Variants in IQANK1 observed in about 807,000 individuals in gnomAD.
IQANK1 encodes IQ motif and ankyrin repeat containing 1.
A neutral mutation model predicts 22.6 loss-of-function variants in IQANK1; 30 were observed. That is an observed-to-expected ratio of 1.33 (90% CI 0.99 to 1.80). The LOEUF (loss-of-function observed/expected upper bound fraction) is 1.80, where lower values mean the gene tolerates loss of function less well. Ranked by LOEUF, IQANK1 falls within the 40% of genes most tolerant of loss-of-function variation. IQANK1 has a pLI of 0.00. For missense variants in IQANK1, 275 were observed against 235.2 expected (o/e 1.17, Z -1.11); for synonymous variants, 122 against 99.6 (o/e 1.23, Z -1.34).
chr8:143,741,426 C>T (rs1225377335), intron 3 of IQANK1, among the ~76,000 whole-genome samples: 2 of 152,172 alleles, frequency 1.3e-5, no homozygotes, highest in Non-Finnish European at 2.9e-5. Flanking sequence ...CACAGGGAGC[C>T]CCATGACCCC....
rs113971926 is a variant in IQANK1 at position 143,774,945 on chromosome 8, C to T, written c.789+2463C>T. On this transcript the variant is annotated intron_variant, in intron 7 of 13. Coordinates refer to ENST00000527139, the MANE Select transcript of IQANK1 (RefSeq NM_001381874.1). This position sits in a 1 kb window ranked among gnomAD's most constrained non-coding sequence, Gnocchi z 4.2. ...AACACTGTGGAGACGGAGGACAGAT[C>T]GGAGGGCTGCAGGGGTTACGGATGG... Among the ~76,000 whole-genome samples, 16 of 151,660 alleles carry T rather than the reference C, an allele frequency of 1.1e-4. No homozygotes were observed. Among genetic ancestry groups the T allele is most frequent in the Admixed American group, 9.8e-4 (15 of 15,260 alleles).
chr8:143,787,647 G>T (rs1165518834), intron 7 of IQANK1, among the ~76,000 whole-genome samples: 1 of 152,062 alleles, frequency 6.6e-6, no homozygotes, highest in East Asian at 1.9e-4. Context: ...AGAGCTACAG[G>T]GAACTCATCC....
At chr8:143,785,893 A>G (rs1300672569) in intron 7 of IQANK1, among the ~76,000 whole-genome samples, 1 of 151,412 alleles carries the variant, frequency 6.6e-6, no homozygotes, top group Non-Finnish European at 1.5e-5. Context: ...CACCTGGCTA[A>G]TTTTTGTATT....
intron 3 of IQANK1, among the ~76,000 whole-genome samples, chr8:143,765,191 A>G (rs1554629138): frequency 6.6e-6 from 1 of 152,062 alleles, no homozygotes; most frequent in Non-Finnish European, 1.5e-5. Flanking sequence ...CCCCGTCTCT[A>G]CCAAAAAATA....
At chr8:143,782,362 G>A (rs1226289899) in intron 7 of IQANK1, among the ~76,000 whole-genome samples, 1 of 152,194 alleles carries the variant, frequency 6.6e-6, no homozygotes. Context: ...TAGGAGTGAT[G>A]GGAGAGAGCA....
chr8:143,764,551 G>C (rs10095057), intron 3 of IQANK1, among the ~76,000 whole-genome samples: 1 of 151,834 alleles, frequency 6.6e-6, no homozygotes, highest in Non-Finnish European at 1.5e-5. Flanking sequence ...GCAGTGAGCC[G>C]TGATGGCGTC....
Position 143,771,828 on chromosome 8 carries a change from CAGG to C in IQANK1, c.338_340del (p.Glu113del), listed in dbSNP as rs1554629812. The C allele has an allele frequency of 2.5e-6, 1 of 395,632 alleles. No homozygotes were observed. The highest frequency in any genetic ancestry group is 4.4e-5 in the Admixed American group (1 of 22,592). The allele number at this position is 395,632 out of a possible 1,614,324, so 24.5% of individuals were successfully genotyped here. On this transcript the variant is annotated inframe_deletion, in exon 5 of 14. Transcript: ENST00000527139. This position sits in a 1 kb window ranked among gnomAD's most constrained non-coding sequence, Gnocchi z 6.0. ...CTACCTGGCTCCGGTGCGCCGGGAG[CAGG>C]AGGCCGCGCGGCGGCTGCGCGAGCA...
chr8:143,749,430 C>CATATATAATTATATATTATATA (rs1563770879), intron 3 of IQANK1, among the ~76,000 whole-genome samples: 4 of 116,932 alleles, frequency 3.4e-5, no homozygotes, highest in African/African-American at 1.7e-4. Flanking sequence ...ATACATATAT[C>CATATATAATTATATATTATATA]TCATATATAA....
intron 3 of IQANK1, among the ~76,000 whole-genome samples, chr8:143,750,886 G>A (rs1819174708): frequency 6.6e-6 from 1 of 151,852 alleles, no homozygotes; most frequent in Non-Finnish European, 1.5e-5. Flanking sequence ...TTTGCTATGT[G>A]TTTTATATAT....
intron 7 of IQANK1, among the ~76,000 whole-genome samples, chr8:143,783,138 T>G (rs923256525): frequency 1.3e-5 from 2 of 152,254 alleles, no homozygotes; most frequent in Non-Finnish European, 2.9e-5. Context: ...ATGAACATTC[T>G]TGTATGTGTC....
At chr8:143,750,374 A>G (rs933942987) in intron 3 of IQANK1, among the ~76,000 whole-genome samples, 2 of 151,778 alleles carry the variant, frequency 1.3e-5, no homozygotes, top group Non-Finnish European at 2.9e-5. Flanking sequence ...TTTGGTTTCT[A>G]TTTGCATGGA....
chr8:143,782,082 A>C (rs1427789221), intron 7 of IQANK1, among the ~76,000 whole-genome samples: 1 of 152,076 alleles, frequency 6.6e-6, no homozygotes, highest in Non-Finnish European at 1.5e-5. Context: ...GCAATTGTGA[A>C]TGGGATTGCC....
chr8:143,735,226 C>T lies in IQANK1; in HGVS notation c.-4-624C>T, dbSNP rs1483373688. 5.3e-5 allele frequency among the ~76,000 whole-genome samples: 8 copies of T among 152,186 alleles called. No individual in the cohort carries two copies. The highest frequency in any genetic ancestry group is 1.2e-4 in the African/African-American group (5 of 41,436). ...GCAGCGGGTGAGGGGCATGGGGCAC[C>T]GGGGAGGACCCGGACAGGCTGGGGC... is the stretch of plus-strand genomic sequence containing the variant. On this transcript the variant is annotated intron_variant, in intron 1 of 13. Coordinates refer to ENST00000527139, the MANE Select transcript of IQANK1 (RefSeq NM_001381874.1). This position sits in a 1 kb window ranked among gnomAD's most constrained non-coding sequence, Gnocchi z 5.2.
At chr8:143,788,215 C>A (rs990156365) in intron 7 of IQANK1, among the ~76,000 whole-genome samples, 1 of 152,258 alleles carries the variant, frequency 6.6e-6, no homozygotes, top group Non-Finnish European at 1.5e-5. Flanking sequence ...GCTTCCTGGT[C>A]AAGCGTGATG....
At chr8:143,743,702 A>G (rs1818969988) in intron 3 of IQANK1, among the ~76,000 whole-genome samples, 1 of 152,210 alleles carries the variant, frequency 6.6e-6, no homozygotes, top group Non-Finnish European at 1.5e-5. Flanking sequence ...AAGTGACTGA[A>G]ACGGCATCTG....
intron 3 of IQANK1, chr8:143,760,439 G>C (rs1400738881): frequency 2.0e-5 from 3 of 151,854 alleles, no homozygotes; most frequent in Non-Finnish European, 2.9e-5. Context: ...TCTTTGGGAG[G>C]CTGAGGCAGG....
At chr8:143,748,792 TATATAA>T (rs1292795890) in intron 3 of IQANK1, among the ~76,000 whole-genome samples, 29 of 111,300 alleles carry the variant, frequency 2.6e-4, no homozygotes, top group Non-Finnish European at 4.0e-4. Flanking sequence ...CATATATAAA[TATATAA>T]ATATATATCA....
chr8:143,766,807 T>C (rs1819489661), intron 3 of IQANK1, among the ~76,000 whole-genome samples: 1 of 152,196 alleles, frequency 6.6e-6, no homozygotes, highest in African/African-American at 2.4e-5. Flanking sequence ...TCAACGAGCT[T>C]TATGGTTTTG....
At chr8:143,750,874 A>G (rs1554627947) in intron 3 of IQANK1, among the ~76,000 whole-genome samples, 1 of 151,738 alleles carries the variant, frequency 6.6e-6, no homozygotes, top group African/African-American at 2.4e-5. Flanking sequence ...TACGTCTGTC[A>G]TTTTGCTATG....
Sources: allele counts gnomAD v4.1 joint callset (sites outside exome capture counted in the v4.1 genomes callset), GRCh38; gene constraint gnomAD v4.1.1; non-coding constraint Gnocchi (gnomAD v3.1); transcripts MANE v1.5; gene names NCBI Gene and HGNC (gene_info 2026-07-23, HGNC 2026-07-21).